Variants in ASGR1 observed in about 807,000 individuals in gnomAD.
The protein encoded by ASGR1 is C-type lectin domain family 4 member H1.
ASGR1 carries 35 observed loss-of-function variants against 33.1 expected under a neutral mutation model. That is an observed-to-expected ratio of 1.06 (90% CI 0.81 to 1.40). The LOEUF (loss-of-function observed/expected upper bound fraction) is 1.40. ASGR1 is among the 40% of genes most tolerant of loss of function. ASGR1 has a pLI of 0.00. For missense variants in ASGR1, 396 were observed against 373.7 expected (o/e 1.06, Z -0.49); for synonymous variants, 142 against 152.5 (o/e 0.93, Z 0.51).
At chr17:7,177,452 T>C (rs2069231690) in intron 2 of ASGR1, 126 bp from the exon 3 acceptor site, 1 of 714,674 alleles carries the variant, frequency 1.4e-6, no homozygotes, top group Admixed American at 3.0e-5. Flanking sequence ...CATGAAGAAA[T>C]GCGGGCGGTG....
At chr17:7,176,549 T>A in intron 5 of ASGR1, 3 of 487,102 alleles carry the variant, frequency 6.2e-6, no homozygotes, top group Non-Finnish European at 1.1e-5. Context: ...CATCTCATTC[T>A]CACACACACA....
chr17:7,175,322 G>A (rs563351606), intron 5 of ASGR1, among the ~76,000 whole-genome samples: 1 of 96,256 alleles, frequency 1.0e-5, no homozygotes, highest in Non-Finnish European at 2.0e-5. Context: ...CTTCACCCAC[G>A]ACACACACAA....
intron 5 of ASGR1, among the ~76,000 whole-genome samples, chr17:7,175,692 C>CCCA (rs2069190567): frequency 6.6e-6 from 1 of 150,732 alleles, no homozygotes; most frequent in Admixed American, 6.6e-5. Flanking sequence ...CGCACACACA[C>CCCA]CCACACTCCC....
rs2069163212 is a variant in ASGR1, at chr17:7,173,890, C to CA, written c.702-58dup. On this transcript the variant is annotated intron_variant, in intron 8 of 8. Transcript: ENST00000269299. The surrounding 1 kb of genome is among the most constrained non-coding windows in gnomAD (Gnocchi z 4.7). ...GGTCGGATCCGCAGGCGGGTCGCTC[C>CA]AGACTCCTCAGCCCAGGGCCCCAGG... 8.7e-6 allele frequency: 14 copies of CA among 1,609,296 alleles called. No individual in the cohort carries two copies. In the Admixed American group the frequency reaches 1.0e-4, roughly 12 times the overall value.
intron 5 of ASGR1, among the ~76,000 whole-genome samples, chr17:7,175,079 C>A (rs954438683): frequency 6.8e-6 from 1 of 147,852 alleles, no homozygotes; most frequent in Non-Finnish European, 1.5e-5. Context: ...ACACCGTAAC[C>A]CACATACACA....
rs997797720 is a variant in ASGR1 at position 7,174,410 on chromosome 17, T to C, written c.406A>G (p.Ser136Gly). ...AGCGCCGCCATCTGACAGCTCAGGC[T>C]CCGCAGGTCAGACACGAACTGCTTC... ...HVKQFVSDLR[S>G]LSCQMAALQG... The change falls in exon 6 of 9, where the codon AGC (serine) becomes GGC (glycine). Residue 136 changes from serine to glycine, a missense_variant. By Grantham distance (56) the Ser-to-Gly change is moderately conservative (BLOSUM62 0). Coordinates refer to ENST00000269299, the MANE Select transcript of ASGR1 (RefSeq NM_001671.5). 10 of 1,613,766 alleles carry C rather than the reference T, an allele frequency of 6.2e-6. No individual in the cohort carries two copies. Among genetic ancestry groups the C allele is most frequent in the Non-Finnish European group, 7.6e-6 (9 of 1,179,904 alleles).
At position 7,176,181 on chromosome 17, in the gene ASGR1, TCA is replaced by T. The variant is rs1344530912; in HGVS notation, c.355+647_355+648del. Among the ~76,000 whole-genome samples, 8 of 135,746 alleles carry T rather than the reference TCA, an allele frequency of 5.9e-5. No homozygotes were observed. The South Asian group carries it at 1.2e-3, about 21-fold the overall frequency. 89.1% of individuals were successfully genotyped at this position (135,746 alleles called of 152,430 possible). A position where few individuals can be genotyped will look rare whatever the true frequency, so the allele number is the denominator to read the frequency against. On this transcript the variant is annotated intron_variant, in intron 5 of 8. Transcript: ENST00000269299. ...CACAGACACACACCCCATCTCATTC[TCA>T]CACTCACACACACCCCATCTCATTC...
At position 7,177,197 on chromosome 17, in the gene ASGR1, CT is replaced by C; in HGVS notation, c.187+12del. ...CCCCAATGTTGCCCCCTTCCCACCC[CT>C]GGGGCACCCACTTTGGGATCCGATC... On this transcript the variant is annotated intron_variant, in intron 3 of 8. Transcript: ENST00000269299. 6.2e-7 allele frequency: 1 copy of C among 1,613,598 alleles called. No homozygotes were observed. Among genetic ancestry groups the C allele is most frequent in the Non-Finnish European group, 8.5e-7 (1 of 1,179,774 alleles).
rs2069223759 is a variant in ASGR1, at chr17:7,176,887, T to C, written c.298A>G (p.Arg100Gly). The C allele has an allele frequency of 6.2e-7, 1 of 1,613,380 alleles. No homozygotes were observed. Among genetic ancestry groups the C allele is most frequent in the South Asian group, 1.1e-5 (1 of 91,078 alleles). Residue 100 changes from arginine to glycine, a missense_variant, in exon 5 of 9, where the codon AGA (arginine) becomes GGA (glycine). By Grantham distance (125) the Arg-to-Gly change is moderately radical (BLOSUM62 -2). Transcript: ENST00000269299. The part of the protein sequence containing the change: ...GLSTQGGNVG[R>G]KMKSLESQLE... ...TGGGACTCTAGCGACTTCATCTTTC[T>C]TCCCACATTGCCTCCTGCGGGAGAG...
At chr17:7,178,407 G>T in intron 2 of ASGR1, 87 bp downstream of exon 2, 1 of 1,364,784 alleles carries the variant, frequency 7.3e-7, no homozygotes, top group Non-Finnish European at 1.0e-6. Context: ...AGAGAGCCAG[G>T]CTCACGGGCA....
chr17:7,174,471 C>G lies in ASGR1; in HGVS notation c.356-11G>C, dbSNP rs565986879. ...GCAGGCTGGAGTGATCTGGGGAGAC[C>G]GGGCGGAGGGGAGCGGGAGGAGATG... On this transcript the variant is annotated splice_polypyrimidine_tract_variant and intron_variant, in intron 5 of 8. Coordinates refer to ENST00000269299, the MANE Select transcript of ASGR1 (RefSeq NM_001671.5). 933 of 1,610,464 alleles carry G rather than the reference C, an allele frequency of 5.8e-4. 1 individual carries two copies. Among genetic ancestry groups the G allele is most frequent in the Non-Finnish European group, 7.5e-4 (880 of 1,178,452 alleles).
chr17:7,174,092 G>A, intron 7 of ASGR1, 25 bp from the exon 8 acceptor site: 5 of 1,614,158 alleles, frequency 3.1e-6, no homozygotes, highest in Non-Finnish European at 4.2e-6. Flanking sequence ...GGCGGGTGGT[G>A]ATCTCTCCGA....
rs180725907 is a variant in ASGR1, at chr17:7,177,574, A to G, written c.71-248T>C. ...ACCGAGGCCCTGAGCTTTTGCTGAC[A>G]CCTAATGGCATGACTGCGTCACTGC... On this transcript the variant is annotated intron_variant, in intron 2 of 8. Transcript: ENST00000269299. 1.6e-3 allele frequency: 715 copies of G among 456,376 alleles called. 1 individual carries two copies. The highest frequency in any genetic ancestry group is 3.0e-3 in the Middle Eastern group (5 of 1,690). 28.3% of individuals were successfully genotyped at this position (456,376 alleles called of 1,614,324 possible).
At chr17:7,175,406 C>A (rs1164287348) in intron 5 of ASGR1, among the ~76,000 whole-genome samples, 1 of 149,576 alleles carries the variant, frequency 6.7e-6, no homozygotes, top group African/African-American at 2.5e-5. Context: ...CACCCTCACA[C>A]AGGCACACAC....
chr17:7,178,727 TTTTTTC>T (rs2069244450), intron 1 of ASGR1, 139 bp from the exon 2 acceptor site: 8 of 464,860 alleles, frequency 1.7e-5, no homozygotes, highest in South Asian at 1.7e-4. Flanking sequence ...TCTTTTTCTT[TTTTTTC>T]TTTTCTTTTT....
chr17:7,173,915 G>T lies in ASGR1; in HGVS notation c.701+46C>A. 3 of 1,612,252 alleles carry T rather than the reference G, an allele frequency of 1.9e-6. No homozygotes were observed. The highest frequency in any genetic ancestry group is 2.5e-6 in the Non-Finnish European group (3 of 1,179,398). On this transcript the variant is annotated intron_variant, in intron 8 of 8. Transcript: ENST00000269299. This position sits in a 1 kb window ranked among gnomAD's most constrained non-coding sequence, Gnocchi z 4.7. ...CAGACTCCTCAGCCCAGGGCCCCAG[G>T]GCGCGAAGGCGGCCGGACCCAGGCC...
intron 2 of ASGR1, 193 bp from the exon 3 acceptor site, chr17:7,177,519 A>AG (rs2069232344): frequency 1.7e-6 from 1 of 572,952 alleles, no homozygotes. Context: ...GGGCTGGGGA[A>AG]GGGGGCTAAG....
intron 5 of ASGR1, among the ~76,000 whole-genome samples, chr17:7,176,185 A>ACT (rs1227950000): frequency 7.0e-6 from 1 of 143,018 alleles, no homozygotes. Flanking sequence ...TCATTCTCAC[A>ACT]CTCACACACA....
In ASGR1 at chr17:7,173,757, C is replaced by G. The variant is rs2069161502; in HGVS notation, c.778G>C (p.Asp260His). ...ACGTCGTCGTTCCAGCGGCCGTCGT[C>G]GGTGAAGTGGGCACAGTCCTCGCCT... ...GGGEDCAHFT[D>H]DGRWNDDVCQ... Residue 260 changes from aspartate to histidine, a missense_variant, in exon 9 of 9, where the codon GAC (aspartate) becomes CAC (histidine). Transcript: ENST00000269299. This position sits in a 1 kb window ranked among gnomAD's most constrained non-coding sequence, Gnocchi z 4.7. 6.2e-7 allele frequency: 1 copy of G among 1,613,590 alleles called. No individual in the cohort carries two copies. Among genetic ancestry groups the G allele is most frequent in the Non-Finnish European group, 8.5e-7 (1 of 1,180,012 alleles).
Sources: gnomAD v4.1 joint callset for allele counts (sites outside exome capture counted in the v4.1 genomes callset) on GRCh38, gnomAD v4.1.1 for gene constraint, Gnocchi (gnomAD v3.1) non-coding constraint, MANE v1.5 for transcripts, NCBI Gene and HGNC (gene_info 2026-07-23, HGNC 2026-07-21) for gene names.